SUMF1: variants seen among roughly 807,000 people sequenced by gnomAD.
SUMF1 encodes the protein sulfatase modifying factor 1, also known as formylglycine-generating enzyme.
Under a neutral mutation model 47.6 loss-of-function variants are expected in SUMF1, and 48 were observed. That is an observed-to-expected ratio of 1.01 (90% CI 0.80 to 1.28). The LOEUF (loss-of-function observed/expected upper bound fraction) is 1.28. SUMF1 is among the 50% of genes most tolerant of loss of function. SUMF1 has a pLI of 0.00. For synonymous variants in SUMF1, 230 were observed against 192.1 expected (o/e 1.20, Z -1.63); for missense variants, 571 against 485.4 (o/e 1.18, Z -1.66).
intron 8 of SUMF1, among the ~76,000 whole-genome samples, chr3:4,136,808 A>G (rs1206330311): frequency 4.6e-5 from 7 of 151,792 alleles, no homozygotes; most frequent in East Asian, 1.9e-4. Flanking sequence ...AAAAGTGGGC[A>G]AAGGATATGA....
chr3:4,131,145 C>A (rs1056387943), intron 8 of SUMF1, among the ~76,000 whole-genome samples: 2 of 152,130 alleles, frequency 1.3e-5, no homozygotes, highest in African/African-American at 4.8e-5. Flanking sequence ...ACCTGAACTG[C>A]CTATCATGAA....
At chr3:4,283,275 T>A (rs1038981490) in intron 8 of SUMF1, among the ~76,000 whole-genome samples, 1 of 152,236 alleles carries the variant, frequency 6.6e-6, no homozygotes, top group Non-Finnish European at 1.5e-5. Context: ...AATGCCCATT[T>A]GTATTAAAAG....
intron 3 of SUMF1, among the ~76,000 whole-genome samples, chr3:4,439,847 C>G (rs988452535): frequency 2.6e-5 from 4 of 151,594 alleles, no homozygotes; most frequent in African/African-American, 9.7e-5. Flanking sequence ...GCCACTGCAC[C>G]CAGCCAAGAA....
chr3:4,306,619 C>G (rs185785417), intron 8 of SUMF1, among the ~76,000 whole-genome samples: 29 of 152,316 alleles, frequency 1.9e-4, no homozygotes, highest in Admixed American at 5.2e-4. Context: ...ATCAAACATG[C>G]TTGAAACATT....
At chr3:4,464,733 G>A (rs553058851) in intron 1 of SUMF1, among the ~76,000 whole-genome samples, 201 of 152,282 alleles carry the variant, frequency 1.3e-3, no homozygotes, top group African/African-American at 4.7e-3. Flanking sequence ...TGAAACCAAG[G>A]AAAATAGAGA....
chr3:4,036,712 A>C (rs1694804134), intron 9 of SUMF1, among the ~76,000 whole-genome samples: 1 of 151,972 alleles, frequency 6.6e-6, no homozygotes, highest in Admixed American at 6.6e-5. Flanking sequence ...ATGATAATCT[A>C]TTCTGGTGCT....
intron 9 of SUMF1, among the ~76,000 whole-genome samples, chr3:4,048,591 C>A (rs1383592808): frequency 1.3e-5 from 2 of 151,996 alleles, no homozygotes; most frequent in Non-Finnish European, 2.9e-5. Flanking sequence ...GCCCCCACCC[C>A]AGTTATAATT....
At chr3:4,112,029 T>A (rs1195049518) in intron 8 of SUMF1, among the ~76,000 whole-genome samples, 1 of 152,084 alleles carries the variant, frequency 6.6e-6, no homozygotes, top group South Asian at 2.1e-4. Flanking sequence ...GAGAAAACAG[T>A]CATTGTTCTA....
chr3:4,146,243 G>C (rs1037445742), intron 8 of SUMF1, among the ~76,000 whole-genome samples: 3 of 152,060 alleles, frequency 2.0e-5, no homozygotes, highest in African/African-American at 7.3e-5. Context: ...AGAGAGGGAA[G>C]GCAATGATTA....
chr3:4,171,731 T>A (rs1449801298), intron 8 of SUMF1, among the ~76,000 whole-genome samples: 2 of 152,024 alleles, frequency 1.3e-5, no homozygotes, highest in Non-Finnish European at 2.9e-5. Context: ...GCTTGTGAGG[T>A]GGGGAGGAGA....
chr3:4,380,296 T>A (rs568867113), intron 7 of SUMF1, among the ~76,000 whole-genome samples: 3 of 152,330 alleles, frequency 2.0e-5, no homozygotes, highest in South Asian at 4.1e-4. Flanking sequence ...CAGGCCATTA[T>A]TATCCTATGT....
intron 8 of SUMF1, among the ~76,000 whole-genome samples, chr3:4,090,431 C>G (rs144455564): frequency 6.6e-6 from 1 of 152,192 alleles, no homozygotes; most frequent in East Asian, 1.9e-4. Context: ...GGGATGGGGT[C>G]CTCTCCAAGG....
At chr3:4,107,636 G>C (rs1328296583) in intron 8 of SUMF1, among the ~76,000 whole-genome samples, 2 of 151,978 alleles carry the variant, frequency 1.3e-5, no homozygotes, top group African/African-American at 2.4e-5. Context: ...CCCTCTAGTG[G>C]AAGAAATTAT....
chr3:4,276,372 ATATAAC>A (rs1224286838), intron 8 of SUMF1, among the ~76,000 whole-genome samples: 1 of 146,080 alleles, frequency 6.8e-6, no homozygotes, highest in Non-Finnish European at 1.5e-5. Flanking sequence ...TATATTCAAA[ATATAAC>A]TATCTTTTAC....
intron 8 of SUMF1, among the ~76,000 whole-genome samples, chr3:4,230,564 G>A (rs759415967): frequency 1.3e-5 from 2 of 152,042 alleles, no homozygotes; most frequent in African/African-American, 4.8e-5. Flanking sequence ...TGCCCTCTCC[G>A]GATACGCCAC....
At chr3:4,272,304 G>A (rs1180709031) in intron 8 of SUMF1, among the ~76,000 whole-genome samples, 1 of 152,198 alleles carries the variant, frequency 6.6e-6, no homozygotes, top group Admixed American at 6.5e-5. Flanking sequence ...GCAGAGGCTG[G>A]GCTGTAATGT....
intron 8 of SUMF1, among the ~76,000 whole-genome samples, chr3:4,334,423 A>T (rs970003963): frequency 1.3e-5 from 2 of 152,210 alleles, no homozygotes; most frequent in African/African-American, 4.8e-5. Flanking sequence ...TTTTTACAAG[A>T]TCTAGAATCA....
intron 7 of SUMF1, among the ~76,000 whole-genome samples, chr3:4,404,920 G>A (rs931960670): frequency 6.6e-6 from 1 of 152,130 alleles, no homozygotes; most frequent in African/African-American, 2.4e-5. Flanking sequence ...GACCATCAAT[G>A]GGTATGAAAG....
At chr3:4,137,832 A>C (rs1693977841) in intron 8 of SUMF1, among the ~76,000 whole-genome samples, 1 of 152,046 alleles carries the variant, frequency 6.6e-6, no homozygotes, top group South Asian at 2.1e-4. Context: ...AAAAAGAAAT[A>C]AATGATCCAA....
Sources: gnomAD v4.1 joint callset for allele counts (sites outside exome capture counted in the v4.1 genomes callset) on GRCh38, gnomAD v4.1.1 for gene constraint, MANE v1.5 for transcripts, NCBI Gene and HGNC (gene_info 2026-07-23, HGNC 2026-07-21) for gene names.